SLC38A8: variants seen among roughly 807,000 people sequenced by gnomAD.
SLC38A8 encodes the protein solute carrier family 38 member 8.
In SLC38A8, 65 loss-of-function variants were observed where a neutral mutation model predicts 46.0. The ratio of observed to expected loss-of-function variants is 1.41; its 90% CI spans 1.16 to 1.74. The LOEUF (loss-of-function observed/expected upper bound fraction) is 1.74. Ranked by LOEUF, SLC38A8 falls within the 40% of genes most tolerant of loss-of-function variation. The pLI is 0.00. For missense variants in SLC38A8, 998 were observed against 567.9 expected (o/e 1.76, Z -7.70); for synonymous variants, 447 against 243.7 (o/e 1.83, Z -7.77).
At chr16:84,019,223 T>C (rs2085068335) in intron 7 of SLC38A8, among the ~76,000 whole-genome samples, 1 of 152,024 alleles carries the variant, frequency 6.6e-6, no homozygotes, top group African/African-American at 2.4e-5. Flanking sequence ...TACAGGCACA[T>C]GTCACCATGC....
chr16:84,024,581 G>A, intron 6 of SLC38A8, among the ~76,000 whole-genome samples: 1 of 151,910 alleles, frequency 6.6e-6, no homozygotes. Flanking sequence ...TGGAGTTCGA[G>A]ACCAGCCTGG....
intron 6 of SLC38A8, among the ~76,000 whole-genome samples, chr16:84,029,003 C>A (rs1567699062): frequency 6.6e-6 from 1 of 152,152 alleles, no homozygotes; most frequent in South Asian, 2.1e-4. Context: ...TTTCCCCTCT[C>A]CAATCAGCTC....
intron 9 of SLC38A8, among the ~76,000 whole-genome samples, chr16:84,014,649 T>TTCTCC (rs1416739047): frequency 3.9e-5 from 6 of 152,272 alleles, no homozygotes; most frequent in South Asian, 2.1e-4. Flanking sequence ...TGGGTGGCTG[T>TTCTCC]TCTCCTCCCC....
At chr16:84,037,069 C>T (rs1368464422) in intron 2 of SLC38A8, among the ~76,000 whole-genome samples, 169 bp from the exon 3 acceptor site, 3 of 152,180 alleles carry the variant, frequency 2.0e-5, no homozygotes, top group Non-Finnish European at 2.9e-5. Flanking sequence ...CACACCCCCA[C>T]CCCACCCCAC....
intron 2 of SLC38A8, chr16:84,041,419 T>C (rs2085365773): frequency 6.5e-6 from 1 of 153,020 alleles, no homozygotes; most frequent in Admixed American, 6.5e-5. Flanking sequence ...TTCAAGCGAT[T>C]CTCCTGACTC....
rs202125219 is a variant in SLC38A8 at position 84,016,642 on chromosome 16, G to A, written c.1039C>T (p.Arg347Trp). ...ALADPSGLWV[R>W]MPLTILWVTV... is the part of the protein sequence containing the mutation. Reference sequence around the variant, plus strand: ...ACCCACAGGATGGTCAGCGGCATCCGGACCCACAGCCCTGAGGGGTCGGCC... The same window carrying A: ...ACCCACAGGATGGTCAGCGGCATCCAGACCCACAGCCCTGAGGGGTCGGCC... Residue 347 changes from arginine to tryptophan, a missense_variant, in exon 9 of 11, where the codon CGG (arginine) becomes TGG (tryptophan). Coordinates refer to ENST00000299709, the MANE Select transcript of SLC38A8 (RefSeq NM_001080442.3). 1.0e-4 allele frequency: 163 copies of A among 1,613,706 alleles called. 2 individuals are homozygous for A. Among genetic ancestry groups the A allele is most frequent in the South Asian group, 4.9e-4 (45 of 91,090 alleles).
At chr16:84,030,161 G>T (rs936397352) in intron 5 of SLC38A8, among the ~76,000 whole-genome samples, 1 of 152,118 alleles carries the variant, frequency 6.6e-6, no homozygotes, top group African/African-American at 2.4e-5. Context: ...GAGGATGAAG[G>T]CCAAGACCCA....
intron 2 of SLC38A8, 82 bp downstream of exon 2, chr16:84,041,887 C>T: frequency 2.3e-6 from 3 of 1,303,714 alleles, no homozygotes; most frequent in Non-Finnish European, 3.2e-6. Context: ...CGCAACTCCG[C>T]AGAAGCAATG....
chr16:84,016,850 G>T (rs1398016566), intron 8 of SLC38A8, 123 bp from the exon 9 acceptor site: 2 of 1,175,860 alleles, frequency 1.7e-6, no homozygotes, highest in South Asian at 3.1e-5. Flanking sequence ...CCACACTCAG[G>T]TGTTTATTCC....
At chr16:84,019,028 T>C (rs1597255211) in intron 7 of SLC38A8, among the ~76,000 whole-genome samples, 1 of 152,118 alleles carries the variant, frequency 6.6e-6, no homozygotes, top group Admixed American at 6.6e-5. Flanking sequence ...GCTTGATGCC[T>C]GCAGAAAGAG....
chr16:84,024,691 G>C (rs558889204), intron 6 of SLC38A8, among the ~76,000 whole-genome samples: 17 of 152,204 alleles, frequency 1.1e-4, no homozygotes, highest in African/African-American at 3.8e-4. Flanking sequence ...TAAGGCAGGA[G>C]AGTCGCTCAA....
At chr16:84,016,782 C>T (rs2085032306) in intron 8 of SLC38A8, 55 bp from the exon 9 acceptor site, 1 of 1,558,028 alleles carries the variant, frequency 6.4e-7, no homozygotes, top group Non-Finnish European at 8.7e-7. Context: ...CCAGCCTCCA[C>T]CCGACAGCTG....
At position 84,022,768 on chromosome 16, in the gene SLC38A8, G is replaced by A. The variant is rs1190572305; in HGVS notation, c.805+7C>T. ...CCCTCTGCAGGGGTGCCTGGGAAGG[G>A]CCTTACCCGTCAGTGAATAGATGAG... On this transcript the variant is annotated splice_region_variant and intron_variant, in intron 7 of 10. Transcript: ENST00000299709. The A allele has an allele frequency of 3.1e-6, 5 of 1,612,520 alleles. No homozygotes were observed. Among genetic ancestry groups the A allele is most frequent in the African/African-American group, 2.7e-5 (2 of 74,886 alleles).
chr16:84,032,039 G>A, intron 4 of SLC38A8, 71 bp from the exon 5 acceptor site: 3 of 1,335,062 alleles, frequency 2.2e-6, no homozygotes, highest in East Asian at 2.3e-5. Context: ...GACAGTAGTG[G>A]GATCTGAATC....
chr16:84,011,512 G>C (rs375274347), intron 10 of SLC38A8, among the ~76,000 whole-genome samples: 5 of 152,318 alleles, frequency 3.3e-5, no homozygotes, highest in Admixed American at 2.6e-4. Context: ...TAGGGGAACA[G>C]ACCTACAGCT....
chr16:84,040,984 C>T (rs781022496), intron 2 of SLC38A8: 1 of 152,250 alleles, frequency 6.6e-6, no homozygotes, highest in Non-Finnish European at 1.5e-5. Context: ...CGAAGAGCCT[C>T]AGGGCACACA....
chr16:84,037,911 G>C (rs2085320002), intron 2 of SLC38A8, among the ~76,000 whole-genome samples: 1 of 144,388 alleles, frequency 6.9e-6, no homozygotes, highest in African/African-American at 2.6e-5. Context: ...TAGGTCCAAA[G>C]AATTCTCCTG....
chr16:84,014,782 T>C (rs1046111318), intron 9 of SLC38A8, among the ~76,000 whole-genome samples: 3 of 152,362 alleles, frequency 2.0e-5, no homozygotes, highest in African/African-American at 7.2e-5. Context: ...TGAATCTTAA[T>C]TCACCTGCTA....
intron 10 of SLC38A8, among the ~76,000 whole-genome samples, chr16:84,012,218 G>C (rs1255616372): frequency 2.0e-5 from 3 of 152,226 alleles, no homozygotes; most frequent in Non-Finnish European, 4.4e-5. Flanking sequence ...TGGGATGGGA[G>C]GGAGTCACCC....
Sources: allele counts gnomAD v4.1 joint callset (sites outside exome capture counted in the v4.1 genomes callset), GRCh38; gene constraint gnomAD v4.1.1; transcripts MANE v1.5; gene names NCBI Gene and HGNC (gene_info 2026-07-23, HGNC 2026-07-21).